The following ITK variants were observed in gnomAD, a reference collection of about 807,000 sequenced individuals.
ITK encodes the protein IL2 inducible T cell kinase.
ITK carries 45 observed loss-of-function variants against 87.6 expected under a neutral mutation model. That is an observed-to-expected ratio of 0.51 (90% confidence interval 0.40 to 0.66). ITK has a LOEUF of 0.66. Among genes scored for constraint, ITK ranks in the 30% least tolerant of loss-of-function variants. ITK has a pLI of 0.00. For missense variants in ITK, 605 were observed against 766.3 expected (o/e 0.79, Z 2.48); for synonymous variants, 303 against 273.6 (o/e 1.11, Z -1.06).
rs776585958 is a variant in ITK, at chr5:157,180,984, A to G, written c.7A>G (p.Asn3Asp). 1.2e-5 allele frequency: 19 copies of G among 1,613,950 alleles called. No homozygotes were observed. Among genetic ancestry groups the G allele is most frequent in the Non-Finnish European group, 1.5e-5 (18 of 1,179,856 alleles). ...ACCTTTCAAGAACTGGATCATGAACAACTTTATCCTCCTGGAAGAACAGCT... is the reference window on the plus strand; with the variant it reads ...ACCTTTCAAGAACTGGATCATGAACGACTTTATCCTCCTGGAAGAACAGCT... MN[N>D]FILLEEQLIK... The change falls in exon 1 of 17, where the codon AAC (asparagine) becomes GAC (aspartate). Residue 3 changes from asparagine (N) to aspartate (D), a missense_variant. By Grantham distance (23) the Asn-to-Asp change is conservative. This residue lies in a region of ITK where 464 missense variants were observed against 578.0 expected (regional missense o/e 0.80). Coordinates refer to ENST00000422843, the MANE Select transcript of ITK (RefSeq NM_005546.4).
chr5:157,202,896 C>A (rs1754003825), intron 1 of ITK, among the ~76,000 whole-genome samples: 1 of 152,062 alleles, frequency 6.6e-6, no homozygotes, highest in Admixed American at 6.6e-5. Flanking sequence ...AATTTTTATC[C>A]CTGTTCACAA....
rs548845208 is a variant in ITK at position 157,219,964 on chromosome 5, A to G, written c.495+2057A>G. ...TACTGTTTTGAGTGTTCTGACCACA[A>G]AGGTTTTGGAATCATTGTTCTAGTT... On this transcript the variant is annotated intron_variant, in intron 5 of 16. Transcript: ENST00000422843. Among the ~76,000 whole-genome samples the G allele has an allele frequency of 5.9e-5, 9 of 152,304 alleles. No homozygotes were observed. The South Asian group carries it at 1.2e-3, about 21-fold the overall frequency.
intron 1 of ITK, among the ~76,000 whole-genome samples, chr5:157,206,773 T>C (rs1754086985): frequency 6.6e-6 from 1 of 152,196 alleles, no homozygotes; most frequent in Non-Finnish European, 1.5e-5. Context: ...ATCTTCCTTC[T>C]TTTCTTCTTT....
intron 8 of ITK, among the ~76,000 whole-genome samples, chr5:157,236,904 C>T (rs1307250940): frequency 3.3e-5 from 5 of 152,126 alleles, no homozygotes; most frequent in Admixed American, 6.6e-5. Flanking sequence ...GCCAAATTCT[C>T]ATTCTGGAAA....
At position 157,241,653 on chromosome 5, in the gene ITK, G is replaced by A; in HGVS notation, c.993G>A (p.Val331=). 17 of 1,613,768 alleles carry A rather than the reference G, an allele frequency of 1.1e-5. No homozygotes were observed. Among genetic ancestry groups the A allele is most frequent in the Non-Finnish European group, 1.4e-5 (17 of 1,179,752 alleles). The change falls in exon 11 of 17, where the codon GTG becomes GTA. Residue 331 remains valine, a synonymous_variant. Transcript: ENST00000422843. ...GCTTTTCAATCAACCCAGGCCTGGTGACTCGACTCCGGTATCCAGTTTGTT... is the reference window on the plus strand; with the variant it reads ...GCTTTTCAATCAACCCAGGCCTGGTAACTCGACTCCGGTATCCAGTTTGTT... ...NYHQHNGGGL[V]TRLRYPVCFG... is the part of the protein sequence containing the mutation.
rs751288025 is a variant in ITK at position 157,248,972 on chromosome 5, C to G, written c.1756C>G (p.His586Asp). The G allele has an allele frequency of 1.7e-5, 27 of 1,613,880 alleles. No individual in the cohort carries two copies. In the South Asian group the frequency reaches 2.9e-4, roughly 17 times the overall value. ...RLYKPRLAST[H>D]VYQIMNHCWK... ...GTACAAGCCCCGGCTGGCCTCCACA[C>G]ACGTCTACCAGATTATGAATCACTG... Residue 586 changes from histidine (H) to aspartate (D), a missense_variant, in exon 16 of 17, where the codon CAC (histidine) becomes GAC (aspartate). This residue lies in a region of ITK where 71 missense variants were observed against 65.8 expected (regional missense o/e 1.08). Coordinates refer to ENST00000422843, the MANE Select transcript of ITK (RefSeq NM_005546.4).
chr5:157,239,643 G>A (rs970282092), intron 9 of ITK, among the ~76,000 whole-genome samples: 6 of 152,152 alleles, frequency 3.9e-5, no homozygotes, highest in African/African-American at 7.2e-5. Context: ...TCTAAGGAGG[G>A]TAGTCAGGCC....
chr5:157,232,921 G>C (rs1270016806), intron 8 of ITK, among the ~76,000 whole-genome samples: 1 of 152,146 alleles, frequency 6.6e-6, no homozygotes, highest in Admixed American at 6.5e-5. Context: ...ACTCTGATTC[G>C]GCCTGACTCA....
chr5:157,248,256 G>A (rs1428530269), intron 15 of ITK, among the ~76,000 whole-genome samples: 1 of 152,162 alleles, frequency 6.6e-6, no homozygotes, highest in Non-Finnish European at 1.5e-5. Context: ...GACAAAGCTA[G>A]GTGTCACATT....
intron 1 of ITK, among the ~76,000 whole-genome samples, chr5:157,205,632 CATGGGT>C (rs1378633792): frequency 3.9e-5 from 6 of 152,140 alleles, no homozygotes; most frequent in Non-Finnish European, 7.3e-5. Context: ...AGGACAGTCA[CATGGGT>C]ATAACAGTTA....
intron 7 of ITK, among the ~76,000 whole-genome samples, chr5:157,229,248 A>G (rs71591330): frequency 0.016 from 2,480 of 152,334 alleles, 27 homozygotes; most frequent in Non-Finnish European, 0.027. Flanking sequence ...ACCACTAGCA[A>G]GTTAAAGTTT....
At chr5:157,213,065 G>C (rs893379535) in intron 3 of ITK, among the ~76,000 whole-genome samples, 1 of 152,138 alleles carries the variant, frequency 6.6e-6, no homozygotes, top group Non-Finnish European at 1.5e-5. Flanking sequence ...GCCCGAGAGT[G>C]GGTAATGTAT....
rs145598986 is a variant in ITK, at chr5:157,231,167, A to G, written c.714-1173A>G. ...TCTCCTGCCTTGGTTTGCAGCCATG[A>G]CCTTGGGCAAGTTACCTCACCCTAT... On this transcript the variant is annotated intron_variant, in intron 7 of 16. Coordinates refer to ENST00000422843, the MANE Select transcript of ITK (RefSeq NM_005546.4). Among the ~76,000 whole-genome samples, 3 of 152,252 alleles carry G rather than the reference A, an allele frequency of 2.0e-5. No individual in the cohort carries two copies. In the East Asian group the frequency reaches 5.8e-4, roughly 29 times the overall value.
chr5:157,252,290 A>G (rs971486689), intron 16 of ITK, among the ~76,000 whole-genome samples: 3 of 152,144 alleles, frequency 2.0e-5, no homozygotes, highest in African/African-American at 7.2e-5. Flanking sequence ...TGATTTATTG[A>G]ATTCTCAAAA....
intron 1 of ITK, 75 bp from the exon 2 acceptor site, chr5:157,208,814 T>C (rs184803482): frequency 2.0e-6 from 2 of 1,016,444 alleles, no homozygotes; most frequent in South Asian, 1.3e-5. Context: ...TATCTAGCAG[T>C]AGATTTCTGG....
chr5:157,211,237 A>G (rs1322583785), intron 2 of ITK, 50 bp from the exon 3 acceptor site: 4 of 1,497,114 alleles, frequency 2.7e-6, no homozygotes, highest in South Asian at 2.3e-5. Context: ...CTGTCAGTCA[A>G]CTATCTCCAT....
chr5:157,213,727 C>T (rs1189768095), intron 3 of ITK: 5 of 343,890 alleles, frequency 1.5e-5, no homozygotes, highest in Non-Finnish European at 2.3e-5. Flanking sequence ...GCAGACCCCC[C>T]TTTTTTTTCC....
chr5:157,239,528 A>G (rs1754844990), intron 9 of ITK, among the ~76,000 whole-genome samples: 1 of 152,108 alleles, frequency 6.6e-6, no homozygotes, highest in East Asian at 1.9e-4. Flanking sequence ...TGTTTCTAGC[A>G]GACGGTTTAG....
chr5:157,227,472 T>C (rs1324496521), intron 6 of ITK, among the ~76,000 whole-genome samples: 3 of 152,182 alleles, frequency 2.0e-5, no homozygotes, highest in Non-Finnish European at 4.4e-5. Context: ...CTGAAGAAGC[T>C]CAATTAGGGA....
Sources: gnomAD v4.1 joint callset for allele counts (sites outside exome capture counted in the v4.1 genomes callset) on GRCh38, gnomAD v4.1.1 for gene constraint, gnomAD v4.1.1 regional missense constraint, MANE v1.5 for transcripts, NCBI Gene and HGNC (gene_info 2026-07-23, HGNC 2026-07-21) for gene names.